Variants in CD82 observed in about 807,000 individuals in gnomAD.
The protein encoded by CD82 is CD82 antigen.
Under a neutral mutation model 37.4 loss-of-function variants are expected in CD82, and 36 were observed. The observed-to-expected ratio is 0.96, with a 90% CI of 0.74 to 1.27. The LOEUF is 1.27. CD82 is among the 50% of genes most tolerant of loss of function. The pLI is 0.00. For synonymous variants in CD82, 158 were observed against 137.4 expected (o/e 1.15, Z -1.05); for missense variants, 340 against 347.0 (o/e 0.98, Z 0.16).
chr11:44,582,427 T>C (rs774709311), intron 1 of CD82, among the ~76,000 whole-genome samples: 1 of 152,246 alleles, frequency 6.6e-6, no homozygotes, highest in Non-Finnish European at 1.5e-5. Context: ...CAGAATCCTC[T>C]GCCTCTGTCA....
chr11:44,599,193 C>T (rs1323209810), intron 3 of CD82, among the ~76,000 whole-genome samples: 1 of 152,210 alleles, frequency 6.6e-6, no homozygotes, highest in Non-Finnish European at 1.5e-5. Flanking sequence ...CCCTGTCACC[C>T]AGGTCATGTC....
At chr11:44,586,288 T>TGGG (rs3051240) in intron 1 of CD82, among the ~76,000 whole-genome samples, 149,426 of 152,138 alleles carry the variant, frequency 0.98, 73,396 homozygotes, top group Non-Finnish European at 0.99. Flanking sequence ...ATTTAGGAGA[T>TGGG]GGCAGAAAAA....
chr11:44,572,135 C>T (rs1565078822), intron 1 of CD82, among the ~76,000 whole-genome samples: 1 of 152,332 alleles, frequency 6.6e-6, no homozygotes, highest in Admixed American at 6.5e-5. Flanking sequence ...GCTTATTCTC[C>T]TGCAGCCTAG....
At chr11:44,617,969 C>T (rs1175085950) in intron 7 of CD82, among the ~76,000 whole-genome samples, 193 bp from the exon 8 acceptor site, 1 of 152,184 alleles carries the variant, frequency 6.6e-6, no homozygotes, top group Non-Finnish European at 1.5e-5. Context: ...CCTTCCTACT[C>T]TGCTTTGTAT....
intron 1 of CD82, among the ~76,000 whole-genome samples, chr11:44,581,828 G>C (rs1477155969): frequency 1.3e-5 from 2 of 152,200 alleles, no homozygotes; most frequent in African/African-American, 4.8e-5. Context: ...GCTAGACCTG[G>C]TTCCATGTGC....
At chr11:44,570,172 G>A (rs908207906) in intron 1 of CD82, among the ~76,000 whole-genome samples, 2 of 152,208 alleles carry the variant, frequency 1.3e-5, no homozygotes, top group African/African-American at 4.8e-5. Context: ...CTTCCTGGGG[G>A]TGGCTGGGTC....
chr11:44,585,710 C>T (rs1026115046), intron 1 of CD82, among the ~76,000 whole-genome samples: 4 of 152,190 alleles, frequency 2.6e-5, no homozygotes, highest in Non-Finnish European at 4.4e-5. Flanking sequence ...CTTATCCCTC[C>T]CATGTGGGAG....
chr11:44,592,579 AG>A (rs1317963576), intron 2 of CD82, among the ~76,000 whole-genome samples: 1 of 152,218 alleles, frequency 6.6e-6, no homozygotes, highest in Non-Finnish European at 1.5e-5. Context: ...GTGGTATGTC[AG>A]GCTCTGTGCT....
At chr11:44,589,278 A>T (rs977315400) in intron 2 of CD82, among the ~76,000 whole-genome samples, 8 of 148,826 alleles carry the variant, frequency 5.4e-5, no homozygotes, top group African/African-American at 2.1e-4. Flanking sequence ...CACCACCACC[A>T]TAACAAAGAT....
chr11:44,574,180 G>C (rs916680685), intron 1 of CD82, among the ~76,000 whole-genome samples: 2 of 152,160 alleles, frequency 1.3e-5, no homozygotes, highest in Non-Finnish European at 2.9e-5. Context: ...TTGGCATAGA[G>C]TTGAGGGCAA....
intron 1 of CD82, among the ~76,000 whole-genome samples, chr11:44,568,514 T>C (rs2134609363): frequency 1.0e-5 from 1 of 99,808 alleles, no homozygotes; most frequent in East Asian, 3.7e-4. Flanking sequence ...GCAGTAAGTT[T>C]GGGGGTCGGG....
At chr11:44,568,336 AT>A (rs1164659005) in intron 1 of CD82, among the ~76,000 whole-genome samples, 2 of 152,132 alleles carry the variant, frequency 1.3e-5, no homozygotes, top group African/African-American at 4.8e-5. Context: ...GTTCCAGCAC[AT>A]TTGCACTTCT....
At chr11:44,590,789 GC>G (rs1425754073) in intron 2 of CD82, among the ~76,000 whole-genome samples, 1 of 151,962 alleles carries the variant, frequency 6.6e-6, no homozygotes, top group Non-Finnish European at 1.5e-5. Context: ...GGAGGGCAGA[GC>G]CGGGCATAAC....
chr11:44,587,233 C>G (rs1853068629), intron 1 of CD82: 26 of 346,478 alleles, frequency 7.5e-5, no homozygotes, highest in South Asian at 5.7e-4. Flanking sequence ...AAGAGTAATT[C>G]TGGCAGAGAA....
At position 44,598,343 on chromosome 11, in the gene CD82, C is replaced by A. The variant is rs373303144; in HGVS notation, c.64-1815C>A. 8.2e-5 allele frequency among the ~76,000 whole-genome samples: 12 copies of A among 146,658 alleles called. No individual in the cohort carries two copies. The East Asian group carries it at 1.4e-3, about 17-fold the overall frequency. On this transcript the variant is annotated intron_variant, in intron 3 of 9. Coordinates refer to ENST00000227155, the MANE Select transcript of CD82 (RefSeq NM_002231.4). ...AAAGGAAACATTGATAATACTGATA[C>A]TGTCAACATTTTATTTCAAAGTTTA...
At chr11:44,599,511 A>G (rs7952181) in intron 3 of CD82, among the ~76,000 whole-genome samples, 44 of 152,370 alleles carry the variant, frequency 2.9e-4, no homozygotes, top group African/African-American at 1.0e-3. Flanking sequence ...CCAGCCACTT[A>G]GCACCCAGTG....
At chr11:44,600,313 C>G in intron 4 of CD82, 83 bp downstream of exon 4, 1 of 1,323,386 alleles carries the variant, frequency 7.6e-7, no homozygotes, top group Non-Finnish European at 1.1e-6. Flanking sequence ...CCCATAAGTG[C>G]TTCGGCTTCA....
At chr11:44,579,627 G>T (rs1852951886) in intron 1 of CD82, among the ~76,000 whole-genome samples, 1 of 152,022 alleles carries the variant, frequency 6.6e-6, no homozygotes, top group Non-Finnish European at 1.5e-5. Flanking sequence ...AGGGAGCCCT[G>T]GGGAGGGAGC....
intron 6 of CD82, chr11:44,606,511 C>G (rs1338921049): frequency 6.6e-6 from 1 of 151,336 alleles, no homozygotes; most frequent in Non-Finnish European, 1.5e-5. Context: ...CTTCCCCAGA[C>G]TGGGTTACAA....
Sources: gnomAD v4.1 joint callset for allele counts (sites outside exome capture counted in the v4.1 genomes callset) on GRCh38, gnomAD v4.1.1 for gene constraint, MANE v1.5 for transcripts, NCBI Gene and HGNC (gene_info 2026-07-23, HGNC 2026-07-21) for gene names.